FMN1: variants seen among roughly 807,000 people sequenced by gnomAD.
The protein encoded by FMN1 is formin-1.
FMN1 carries 110 observed loss-of-function variants against 132.4 expected under a neutral mutation model. That is an observed-to-expected ratio of 0.83 (90% CI 0.71 to 0.97). FMN1 has a LOEUF of 0.97. Ranked by LOEUF, FMN1 falls within the 50% of genes least tolerant of loss-of-function variation. FMN1 has a pLI of 0.00. For synonymous variants in FMN1, 722 were observed against 651.7 expected, an observed-to-expected ratio of 1.11 and a Z score of -1.64; for missense variants, 1,792 against 1,705.3, an observed-to-expected ratio of 1.05 and a Z score of -0.90.
intron 17 of FMN1, among the ~76,000 whole-genome samples, chr15:32,848,981 T>G (rs1196544145): frequency 3.5e-5 from 4 of 115,462 alleles, no homozygotes; most frequent in Admixed American, 8.0e-5. Context: ...TCTTTTGTTT[T>G]TTTTTTTTTT....
intron 17 of FMN1, among the ~76,000 whole-genome samples, chr15:32,835,490 T>C (rs748850239): frequency 1.3e-5 from 2 of 152,188 alleles, no homozygotes; most frequent in African/African-American, 4.8e-5. Flanking sequence ...CCAAAGATGC[T>C]TGGAGATGAA....
At chr15:33,155,584 T>C (rs1964638656) in intron 3 of FMN1, among the ~76,000 whole-genome samples, 1 of 152,192 alleles carries the variant, frequency 6.6e-6, no homozygotes, top group South Asian at 2.1e-4. Flanking sequence ...GGCCCCAAAT[T>C]TGGTGTCAAC....
At chr15:33,047,731 G>A (rs556563248) in intron 6 of FMN1, among the ~76,000 whole-genome samples, 2 of 152,152 alleles carry the variant, frequency 1.3e-5, no homozygotes, top group Non-Finnish European at 2.9e-5. Flanking sequence ...TGAAATGCAG[G>A]TTCTGGTATA....
At chr15:33,118,174 T>A (rs1186679373) in intron 4 of FMN1, among the ~76,000 whole-genome samples, 20 of 152,212 alleles carry the variant, frequency 1.3e-4, no homozygotes, top group Admixed American at 9.8e-4. Context: ...TAAACTTATA[T>A]AATTCACTGC....
Position 33,054,202 on chromosome 15 carries a change from G to A in FMN1, c.2161+10755C>T, listed in dbSNP as rs917033517. 2.0e-5 allele frequency among the ~76,000 whole-genome samples: 3 copies of A among 152,052 alleles called. No individual in the cohort carries two copies. In the East Asian group the frequency reaches 5.8e-4, roughly 29 times the overall value. On this transcript the variant is annotated intron_variant, in intron 6 of 20. Coordinates refer to ENST00000616417, the MANE Select transcript of FMN1 (RefSeq NM_001277313.2). ...ATCCACATATTACTCCTATTTCTCA[G>A]GAAATTCAAAGGGTTTTAGGAGATC...
At chr15:32,888,334 T>A in intron 15 of FMN1, 42 bp from the exon 16 acceptor site, 2 of 1,510,606 alleles carry the variant, frequency 1.3e-6, no homozygotes. Context: ...ACTTCCCAAT[T>A]GTCACTTTCA....
chr15:33,053,496 C>G (rs968349110), intron 6 of FMN1, among the ~76,000 whole-genome samples: 1 of 152,124 alleles, frequency 6.6e-6, no homozygotes, highest in Admixed American at 6.5e-5. Flanking sequence ...GCTGCAAGTT[C>G]GGGAAAGGGG....
chr15:33,051,912 C>T (rs1332474300), intron 6 of FMN1, among the ~76,000 whole-genome samples: 1 of 152,176 alleles, frequency 6.6e-6, no homozygotes, highest in African/African-American at 2.4e-5. Context: ...CCACTTGGCC[C>T]TGTTCTAAGT....
At chr15:33,155,300 A>G (rs1274934908) in intron 3 of FMN1, among the ~76,000 whole-genome samples, 1 of 152,070 alleles carries the variant, frequency 6.6e-6, no homozygotes, top group Admixed American at 6.6e-5. Context: ...CTTTCCCTAC[A>G]TGGGGACTCA....
intron 4 of FMN1, among the ~76,000 whole-genome samples, chr15:33,097,101 C>A (rs1294248474): frequency 2.0e-5 from 3 of 151,982 alleles, no homozygotes; most frequent in African/African-American, 7.2e-5. Context: ...CAAGACCAGC[C>A]TTGGTGACAT....
chr15:33,016,841 C>A (rs2035077093), intron 6 of FMN1, among the ~76,000 whole-genome samples: 1 of 152,180 alleles, frequency 6.6e-6, no homozygotes, highest in South Asian at 2.1e-4. Flanking sequence ...ACCACACAGA[C>A]CACTGCCCGC....
At chr15:32,808,354 G>C (rs924575505) in intron 17 of FMN1, among the ~76,000 whole-genome samples, 6 of 152,216 alleles carry the variant, frequency 3.9e-5, no homozygotes, top group Non-Finnish European at 2.9e-5. Flanking sequence ...CTCCTGCTCT[G>C]TCAAATGGAG....
intron 16 of FMN1, among the ~76,000 whole-genome samples, chr15:32,860,011 T>C (rs1262430367): frequency 1.3e-5 from 2 of 150,436 alleles, no homozygotes; most frequent in East Asian, 2.0e-4. Context: ...GCCTGGGTGA[T>C]AGAGTGAGAC....
In FMN1 at chr15:32,771,582, TTAC is replaced by T. The variant is rs1312882810; in HGVS notation, c.*2725_*2727del. 3 of 152,160 alleles carry T rather than the reference TTAC, an allele frequency of 2.0e-5. No individual in the cohort carries two copies. The highest frequency in any genetic ancestry group is 4.8e-5 in the African/African-American group (2 of 41,424). 9.4% of individuals were successfully genotyped at this position (152,160 alleles called of 1,614,324 possible). On this transcript the variant is annotated 3_prime_UTR_variant, in exon 21 of 21. Coordinates refer to ENST00000616417, the MANE Select transcript of FMN1 (RefSeq NM_001277313.2). ...GTTTGTAAGTTAAGGGTTCTTAGAG[TTAC>T]TACTAAGTCAGGTGTGTCTGGTTAG...
rs376254059 is a variant in FMN1 at position 32,977,960 on chromosome 15, G to A, written c.2224-8483C>T. Among the ~76,000 whole-genome samples the A allele has an allele frequency of 9.3e-4, 141 of 151,226 alleles. 1 individual carries two copies. The highest frequency in any genetic ancestry group is 3.4e-3 in the Middle Eastern group (1 of 292). On this transcript the variant is annotated intron_variant, in intron 7 of 20. Transcript: ENST00000616417. Reference sequence around the variant, plus strand: ...CAACCTCCGCCTCCCACGTTTAAGTGATTCTCCTGCCTCAGCCTCCCAAGA... The same window carrying A: ...CAACCTCCGCCTCCCACGTTTAAGTAATTCTCCTGCCTCAGCCTCCCAAGA...
intron 12 of FMN1, among the ~76,000 whole-genome samples, chr15:32,906,752 A>T (rs2060434768): frequency 6.6e-6 from 1 of 152,196 alleles, no homozygotes; most frequent in Non-Finnish European, 1.5e-5. Context: ...TTGGAAATAA[A>T]CTATAGGATC....
Position 32,961,136 on chromosome 15 carries a change from C to CT in FMN1, c.3138+2970dup, listed in dbSNP as rs759322803. ...TCAGGTAGATTCAGATATTGTTCAT[C>CT]TTTTTTTTTTTTTTTAGACGGAGTT... On this transcript the variant is annotated intron_variant, in intron 9 of 20. Transcript: ENST00000616417. 7.2e-3 allele frequency among the ~76,000 whole-genome samples: 1,005 copies of CT among 139,840 alleles called. 11 individuals are homozygous for CT. Among genetic ancestry groups the CT allele is most frequent in the African/African-American group, 0.018 (708 of 38,346 alleles). The allele number at this position is 139,840 out of a possible 152,430, so 91.7% of individuals were successfully genotyped here. A position where few individuals can be genotyped will look rare whatever the true frequency, so the allele number is the denominator to read the frequency against.
chr15:32,794,130 T>C (rs16958903), intron 19 of FMN1, among the ~76,000 whole-genome samples: 50,697 of 151,642 alleles, frequency 0.33, 8,562 homozygotes, highest in East Asian at 0.4. Flanking sequence ...CAGCAAGTAA[T>C]AGACTTAAAA....
chr15:33,023,806 G>A lies in FMN1; in HGVS notation c.2162-15731C>T, dbSNP rs138353393. On this transcript the variant is annotated intron_variant, in intron 6 of 20. Coordinates refer to ENST00000616417, the MANE Select transcript of FMN1 (RefSeq NM_001277313.2). The stretch of plus-strand genomic sequence containing the variant: ...CATATGGAAACATAATACGTGATTT[G>A]AGGTTGCATTGAAATTTGTGGGGGA... Among the ~76,000 whole-genome samples, 3 of 152,256 alleles carry A rather than the reference G, an allele frequency of 2.0e-5. No individual in the cohort carries two copies. The East Asian group carries it at 5.8e-4, about 29-fold the overall frequency.
Sources: allele counts gnomAD v4.1 joint callset (sites outside exome capture counted in the v4.1 genomes callset), GRCh38; gene constraint gnomAD v4.1.1; transcripts MANE v1.5; gene names NCBI Gene and HGNC (gene_info 2026-07-23, HGNC 2026-07-21).